Variants in LHFPL3 observed in about 807,000 individuals in gnomAD.
LHFPL3 encodes LHFPL tetraspan subfamily member 3 protein.
Under a neutral mutation model 19.3 loss-of-function variants are expected in LHFPL3, and 5 were observed. The ratio of observed to expected loss-of-function variants is 0.26; its 90% CI spans 0.14 to 0.54. The LOEUF (loss-of-function observed/expected upper bound fraction) is 0.54. Among genes scored for constraint, LHFPL3 ranks in the 20% least tolerant of loss-of-function variants. LHFPL3 has a pLI of 0.94. For synonymous variants in LHFPL3, 133 were observed against 126.2 expected (o/e 1.05, Z -0.36); for missense variants, 249 against 307.4 (o/e 0.81, Z 1.42).
At chr7:104,696,856 G>A (rs1185087532) in intron 1 of LHFPL3, among the ~76,000 whole-genome samples, 1 of 152,116 alleles carries the variant, frequency 6.6e-6, no homozygotes, top group Non-Finnish European at 1.5e-5. Flanking sequence ...GTCCATTTGG[G>A]CTGCTTAGTC....
intron 1 of LHFPL3, among the ~76,000 whole-genome samples, chr7:104,568,368 G>A (rs753296147): frequency 1.2e-4 from 18 of 152,110 alleles, no homozygotes; most frequent in Non-Finnish European, 2.1e-4. Context: ...TTGAAGGCAG[G>A]GACCAAGTCC....
intron 1 of LHFPL3, among the ~76,000 whole-genome samples, chr7:104,654,765 AT>A (rs906785245): frequency 6.6e-6 from 1 of 151,916 alleles, no homozygotes; most frequent in Non-Finnish European, 1.5e-5. Context: ...GAGCAGTATG[AT>A]TTTTTTCTGT....
intron 1 of LHFPL3, among the ~76,000 whole-genome samples, chr7:104,601,414 G>A (rs1790964573): frequency 6.6e-6 from 1 of 152,136 alleles, no homozygotes; most frequent in Non-Finnish European, 1.5e-5. Flanking sequence ...TAGAGATACA[G>A]CAATGTTAGG....
intron 1 of LHFPL3, among the ~76,000 whole-genome samples, chr7:104,457,181 C>T (rs1195529267): frequency 1.3e-5 from 2 of 152,122 alleles, no homozygotes; most frequent in South Asian, 2.1e-4. Context: ...AGGTTAGTTA[C>T]ATATGTATAC....
chr7:104,598,282 G>C (rs1562946223), intron 1 of LHFPL3, among the ~76,000 whole-genome samples: 2 of 152,144 alleles, frequency 1.3e-5, no homozygotes, highest in African/African-American at 4.8e-5. Context: ...TTAAAGTTGA[G>C]AAAACTTTCC....
intron 2 of LHFPL3, among the ~76,000 whole-genome samples, chr7:104,795,262 A>G (rs1790100707): frequency 6.6e-6 from 1 of 152,228 alleles, no homozygotes; most frequent in Non-Finnish European, 1.5e-5. Flanking sequence ...AAGGAAATGC[A>G]CATCACGAGC....
At chr7:104,898,779 C>G (rs1792420958) in intron 2 of LHFPL3, among the ~76,000 whole-genome samples, 1 of 151,690 alleles carries the variant, frequency 6.6e-6, no homozygotes. Flanking sequence ...GTCATCTTGA[C>G]ACTACACTCC....
At chr7:104,781,435 C>T (rs1794713455) in intron 2 of LHFPL3, among the ~76,000 whole-genome samples, 1 of 152,152 alleles carries the variant, frequency 6.6e-6, no homozygotes, top group Admixed American at 6.6e-5. Context: ...CCAAATTCCT[C>T]TGCTTGCACA....
intron 1 of LHFPL3, among the ~76,000 whole-genome samples, chr7:104,672,479 A>G (rs1792503301): frequency 6.6e-6 from 1 of 152,186 alleles, no homozygotes; most frequent in Non-Finnish European, 1.5e-5. Context: ...GTAAGGAGTG[A>G]ATTATATGAA....
At chr7:104,348,429 T>C (rs1006466506) in intron 1 of LHFPL3, among the ~76,000 whole-genome samples, 2 of 152,188 alleles carry the variant, frequency 1.3e-5, no homozygotes, top group African/African-American at 4.8e-5. Flanking sequence ...TTAAAAACGA[T>C]GAACTATGAA....
chr7:104,570,593 T>C (rs1365470582), intron 1 of LHFPL3, among the ~76,000 whole-genome samples: 1 of 152,218 alleles, frequency 6.6e-6, no homozygotes, highest in Non-Finnish European at 1.5e-5. Context: ...CAAACTTTTT[T>C]CCAGTACCTG....
chr7:104,478,560 G>A (rs1793070419), intron 1 of LHFPL3, among the ~76,000 whole-genome samples: 1 of 152,192 alleles, frequency 6.6e-6, no homozygotes, highest in African/African-American at 2.4e-5. Context: ...TCATCCATCT[G>A]TGGCCAGTGG....
intron 1 of LHFPL3, among the ~76,000 whole-genome samples, chr7:104,523,695 G>A (rs1043788289): frequency 7.9e-5 from 12 of 152,144 alleles, no homozygotes; most frequent in African/African-American, 4.8e-5. Context: ...GGTACCCTCC[G>A]AAATTGAAAT....
At chr7:104,639,018 G>A (rs1281270298) in intron 1 of LHFPL3, among the ~76,000 whole-genome samples, 3 of 151,896 alleles carry the variant, frequency 2.0e-5, no homozygotes, top group Non-Finnish European at 2.9e-5. Flanking sequence ...TCCCCACTCA[G>A]CCTCCCAAAG....
At chr7:104,395,563 C>A (rs1791166305) in intron 1 of LHFPL3, among the ~76,000 whole-genome samples, 1 of 152,158 alleles carries the variant, frequency 6.6e-6, no homozygotes, top group South Asian at 2.1e-4. Context: ...ATTTGGTTAT[C>A]AGAAGGACCC....
At chr7:104,440,437 A>T (rs976560434) in intron 1 of LHFPL3, among the ~76,000 whole-genome samples, 2 of 151,002 alleles carry the variant, frequency 1.3e-5, no homozygotes, top group East Asian at 4.0e-4. Flanking sequence ...GTGGGGAGGG[A>T]TAGCATTAGG....
chr7:104,761,462 C>A (rs558102484), intron 2 of LHFPL3, among the ~76,000 whole-genome samples: 181 of 152,188 alleles, frequency 1.2e-3, no homozygotes, highest in Admixed American at 3.3e-3. Context: ...TTCAGTAAGT[C>A]ACCAAAAATA....
chr7:104,408,688 A>G (rs569476356), intron 1 of LHFPL3, among the ~76,000 whole-genome samples: 28 of 152,262 alleles, frequency 1.8e-4, no homozygotes, highest in African/African-American at 6.5e-4. Context: ...TAAAAAGGTT[A>G]CACTCCACAT....
At chr7:104,616,410 G>T (rs577670946) in intron 1 of LHFPL3, among the ~76,000 whole-genome samples, 3 of 152,234 alleles carry the variant, frequency 2.0e-5, no homozygotes, top group African/African-American at 7.2e-5. Context: ...TTTAATAAAT[G>T]GTGCTGGGAA....
Sources: allele counts gnomAD v4.1 joint callset (sites outside exome capture counted in the v4.1 genomes callset), GRCh38; gene constraint gnomAD v4.1.1; transcripts MANE v1.5; gene names NCBI Gene and HGNC (gene_info 2026-07-23, HGNC 2026-07-21).